The following TEX14 variants were observed in gnomAD, a reference collection of about 807,000 sequenced individuals.
TEX14 encodes inactive serine/threonine-protein kinase TEX14.
In TEX14, 168 loss-of-function variants were observed where a neutral mutation model predicts 178.6. The observed-to-expected ratio is 0.94, with a 90% CI of 0.83 to 1.07. The LOEUF (loss-of-function observed/expected upper bound fraction) is 1.07. Among genes scored for constraint, TEX14 ranks in the 50% least tolerant of loss-of-function variants. TEX14 has a pLI of 0.00. For synonymous variants in TEX14, 626 were observed against 634.1 expected (o/e 0.99, Z 0.19); for missense variants, 1,730 against 1,753.6 (o/e 0.99, Z 0.24).
In TEX14 at chr17:58,579,660, A is replaced by C; in HGVS notation, c.3238+5T>G. 6.2e-7 allele frequency: 1 copy of C among 1,612,334 alleles called. No individual in the cohort carries two copies. Among genetic ancestry groups the C allele is most frequent in the Non-Finnish European group, 8.5e-7 (1 of 1,178,424 alleles). ...CTCAAGGAATCTTCCCTAAGGGCTT[A>C]TTACCAGAGACTTGAGGTTGGGCAA... is the stretch of plus-strand genomic sequence containing the variant. On this transcript the variant is annotated splice_donor_5th_base_variant and intron_variant, in intron 20 of 31. Coordinates refer to ENST00000349033, the MANE Select transcript of TEX14 (RefSeq NM_031272.5).
intron 2 of TEX14, among the ~76,000 whole-genome samples, chr17:58,649,261 G>A (rs528445982): frequency 6.6e-6 from 1 of 151,384 alleles, no homozygotes; most frequent in Admixed American, 6.6e-5. Context: ...TATATTTTTA[G>A]TAGAGACTGG....
At chr17:58,691,574 G>A (rs1373865879) in intron 1 of TEX14, among the ~76,000 whole-genome samples, 2 of 150,374 alleles carry the variant, frequency 1.3e-5, no homozygotes, top group African/African-American at 2.5e-5. Context: ...GGCTGAGGCA[G>A]GAGACTCACT....
rs1481294648 is a variant in TEX14 at position 58,579,737 on chromosome 17, A to C, written c.3172-6T>G. ...TCTTCTATGGGACTCGAGGTCTAAAAAAGAACAAAAGAAAAGCAAAGAAAG... is the reference window on the plus strand; with the variant it reads ...TCTTCTATGGGACTCGAGGTCTAAACAAGAACAAAAGAAAAGCAAAGAAAG... On this transcript the variant is annotated splice_polypyrimidine_tract_variant and splice_region_variant and intron_variant, in intron 19 of 31. Transcript: ENST00000349033. 1.8e-5 allele frequency: 29 copies of C among 1,612,172 alleles called. No homozygotes were observed. Among genetic ancestry groups the C allele is most frequent in the Non-Finnish European group, 2.3e-5 (27 of 1,178,942 alleles).
At chr17:58,630,414 C>T in intron 3 of TEX14, 26 bp downstream of exon 3, 1 of 1,514,674 alleles carries the variant, frequency 6.6e-7, no homozygotes, top group Non-Finnish European at 9.2e-7. Flanking sequence ...CCCCTATTTT[C>T]TAGACATCAA....
At chr17:58,605,585 G>A (rs2045588176) in intron 10 of TEX14, among the ~76,000 whole-genome samples, 1 of 152,080 alleles carries the variant, frequency 6.6e-6, no homozygotes, top group African/African-American at 2.4e-5. Flanking sequence ...ACTTCATCTG[G>A]CAACTCTACT....
intron 30 of TEX14, among the ~76,000 whole-genome samples, chr17:58,558,501 G>T (rs2044199784): frequency 6.6e-6 from 1 of 152,128 alleles, no homozygotes; most frequent in Non-Finnish European, 1.5e-5. Context: ...TTCTGCTGGG[G>T]CCTGTCATTG....
chr17:58,582,569 T>C (rs2044848696), intron 19 of TEX14, among the ~76,000 whole-genome samples: 1 of 150,344 alleles, frequency 6.7e-6, no homozygotes, highest in African/African-American at 2.4e-5. Context: ...CAAATTTCTT[T>C]TTTTTTTTTT....
intron 2 of TEX14, among the ~76,000 whole-genome samples, chr17:58,633,509 T>G (rs1486185868): frequency 6.6e-6 from 1 of 152,146 alleles, no homozygotes; most frequent in Non-Finnish European, 1.5e-5. Flanking sequence ...GGGTTAAAGC[T>G]GGAACCCTGA....
intron 17 of TEX14, 111 bp downstream of exon 17, chr17:58,587,470 T>C (rs2045004490): frequency 6.3e-6 from 4 of 630,100 alleles, no homozygotes; most frequent in South Asian, 2.4e-5. Flanking sequence ...AGAAGGACAT[T>C]GCTATGGTTC....
chr17:58,605,128 C>A lies in TEX14; in HGVS notation c.1186G>T (p.Glu396Ter). The change falls in exon 11 of 32, where the codon GAG becomes TAG. Residue 396 changes from glutamate (E) to a stop codon, truncating the protein, a stop_gained and splice_region_variant. Transcript: ENST00000349033. LOFTEE classifies it high-confidence loss of function. ...AGGTCCCTCTGTACACCTCTGTCCT[C>A]GCTACGGAAGGAAACTCACAAGTCA... ...LTNLEYMLES[E>*]DRGVQRDLTR... is the part of the protein sequence containing the mutation. The A allele has an allele frequency of 6.2e-7, 1 of 1,613,668 alleles. No homozygotes were observed. Among genetic ancestry groups the A allele is most frequent in the Non-Finnish European group, 8.5e-7 (1 of 1,179,766 alleles).
chr17:58,580,787 C>G (rs1304655319), intron 19 of TEX14, among the ~76,000 whole-genome samples: 1 of 152,146 alleles, frequency 6.6e-6, no homozygotes, highest in Non-Finnish European at 1.5e-5. Flanking sequence ...TGAAAATACT[C>G]TGTACAGGAG....
In TEX14 at chr17:58,599,052, G is replaced by T. The variant is rs756563740; in HGVS notation, c.2293C>A (p.Gln765Lys). 1 of 1,613,998 alleles carries T rather than the reference G, an allele frequency of 6.2e-7. No individual in the cohort carries two copies. Among genetic ancestry groups the T allele is most frequent in the East Asian group, 2.2e-5 (1 of 44,894 alleles). The change falls in exon 14 of 32, where the codon CAG becomes AAG. Residue 765 changes from glutamine to lysine, a missense_variant. This residue lies in a region of TEX14 where 941 missense variants were observed against 1,072.4 expected (regional missense o/e 0.88). Coordinates refer to ENST00000349033, the MANE Select transcript of TEX14 (RefSeq NM_031272.5). ...LDEVEMKQKE[Q>K]EERMSLWATS... Reference sequence around the variant, plus strand: ...GCCCATAAAGACATGCGCTCTTCCTGTTCCTTCTGTTTCATCTCGACTTCA... The same window carrying T: ...GCCCATAAAGACATGCGCTCTTCCTTTTCCTTCTGTTTCATCTCGACTTCA...
At chr17:58,607,138 G>C (rs968144271) in intron 10 of TEX14, among the ~76,000 whole-genome samples, 2 of 151,946 alleles carry the variant, frequency 1.3e-5, no homozygotes, top group African/African-American at 4.8e-5. Context: ...TGCCCTAGTA[G>C]AGTGTTACCA....
At chr17:58,595,896 T>G (rs2045267090) in intron 14 of TEX14, among the ~76,000 whole-genome samples, 1 of 152,218 alleles carries the variant, frequency 6.6e-6, no homozygotes, top group South Asian at 2.1e-4. Flanking sequence ...ATATAAAAGT[T>G]ATTTCAGGCC....
At position 58,599,068 on chromosome 17, in the gene TEX14, C is replaced by T. The variant is rs761910829; in HGVS notation, c.2277G>A (p.Glu759=). The change falls in exon 14 of 32, where the codon GAG becomes GAA. Residue 759 remains glutamate, a synonymous_variant. Coordinates refer to ENST00000349033, the MANE Select transcript of TEX14 (RefSeq NM_031272.5). ...GCTCTTCCTGTTCCTTCTGTTTCAT[C>T]TCGACTTCATCTAATATCTGCTCGA... ...RNIEQILDEV[E]MKQKEQEERM... 82 of 1,614,078 alleles carry T rather than the reference C, an allele frequency of 5.1e-5. No individual in the cohort carries two copies. The highest frequency in any genetic ancestry group is 1.6e-4 in the Middle Eastern group (1 of 6,084).
intron 2 of TEX14, among the ~76,000 whole-genome samples, chr17:58,635,552 C>T (rs1315554782): frequency 6.6e-6 from 1 of 151,878 alleles, no homozygotes; most frequent in Admixed American, 6.6e-5. Flanking sequence ...GCCTCAGCCT[C>T]CTGAGTAGCT....
intron 19 of TEX14, among the ~76,000 whole-genome samples, chr17:58,582,562 ATTTC>A (rs2044847955): frequency 6.8e-6 from 1 of 147,926 alleles, no homozygotes; most frequent in African/African-American, 2.5e-5. Context: ...CGGCCTGCAA[ATTTC>A]TTTTTTTTTT....
Position 58,630,497 on chromosome 17 carries a change from A to T in TEX14, c.194T>A (p.Leu65Ter). The T allele has an allele frequency of 6.2e-7, 1 of 1,614,154 alleles. No individual in the cohort carries two copies. Among genetic ancestry groups the T allele is most frequent in the Non-Finnish European group, 8.5e-7 (1 of 1,179,994 alleles). ...LGQTALFVAA[L>*]LGLRKFVDVL... ...ATCAACGAATTTCCTAAGGCCCAAT[A>T]ACGCCGCAACAAAAAGTGCTGTTTG... Residue 65 changes from leucine to a stop codon, truncating the protein, a stop_gained, in exon 3 of 32, where the codon TTA becomes TAA. Transcript: ENST00000349033. LOFTEE classifies it high-confidence loss of function.
chr17:58,588,997 G>T (rs141174346), intron 15 of TEX14, among the ~76,000 whole-genome samples: 73 of 152,264 alleles, frequency 4.8e-4, no homozygotes, highest in African/African-American at 1.7e-3. Context: ...GAACTGGCTG[G>T]GCACGGTAGC....
Sources: gnomAD v4.1 joint callset for allele counts (sites outside exome capture counted in the v4.1 genomes callset) on GRCh38, gnomAD v4.1.1 for gene constraint, gnomAD v4.1.1 regional missense constraint, MANE v1.5 for transcripts, NCBI Gene and HGNC (gene_info 2026-07-23, HGNC 2026-07-21) for gene names.